The following NIM1K variants were observed in gnomAD, a reference collection of about 807,000 sequenced individuals.
NIM1K encodes serine/threonine-protein kinase NIM1.
Under a neutral mutation model 37.1 loss-of-function variants are expected in NIM1K, and 35 were observed. That is an observed-to-expected ratio of 0.94 (90% CI 0.72 to 1.25). The LOEUF (loss-of-function observed/expected upper bound fraction) is 1.25. Ranked by LOEUF, NIM1K falls within the 50% of genes most tolerant of loss-of-function variation. NIM1K has a pLI of 0.00. For missense variants in NIM1K, 564 were observed against 548.0 expected (o/e 1.03, Z -0.29); for synonymous variants, 234 against 206.6 (o/e 1.13, Z -1.14).
intron 1 of NIM1K, among the ~76,000 whole-genome samples, chr5:43,230,435 C>T (rs1319179228): frequency 1.3e-5 from 2 of 152,058 alleles, no homozygotes; most frequent in East Asian, 1.9e-4. Context: ...CACTTGTGCT[C>T]ACAGCCCATG....
intron 1 of NIM1K, among the ~76,000 whole-genome samples, chr5:43,238,399 A>T (rs1030158590): frequency 1.3e-5 from 2 of 149,198 alleles, no homozygotes; most frequent in African/African-American, 2.5e-5. Context: ...TTGTCTTTGA[A>T]TTTTTTTTTT....
intron 1 of NIM1K, among the ~76,000 whole-genome samples, chr5:43,205,046 G>T (rs1752088915): frequency 6.6e-6 from 1 of 152,128 alleles, no homozygotes; most frequent in African/African-American, 2.4e-5. Flanking sequence ...GCATGTCAAA[G>T]AATCTTCCTT....
chr5:43,256,115 T>C (rs979758428), intron 2 of NIM1K, among the ~76,000 whole-genome samples: 1 of 152,088 alleles, frequency 6.6e-6, no homozygotes, highest in African/African-American at 2.4e-5. Flanking sequence ...AGGGATTTCC[T>C]GGGATTTCAC....
intron 2 of NIM1K, among the ~76,000 whole-genome samples, chr5:43,250,144 G>A (rs576831495): frequency 3.3e-3 from 509 of 152,192 alleles, no homozygotes; most frequent in Non-Finnish European, 4.6e-3. Flanking sequence ...GAGCCACCGC[G>A]CCTGGCCGGA....
At chr5:43,234,420 T>A (rs1418663984) in intron 1 of NIM1K, among the ~76,000 whole-genome samples, 1 of 152,174 alleles carries the variant, frequency 6.6e-6, no homozygotes, top group African/African-American at 2.4e-5. Flanking sequence ...AAATGGTGTA[T>A]AGAACATTAC....
chr5:43,198,201 T>TCTCTC (rs1751955692), intron 1 of NIM1K, among the ~76,000 whole-genome samples: 3 of 54,814 alleles, frequency 5.5e-5, no homozygotes, highest in African/African-American at 2.2e-4. Context: ...CTTTCTTTCT[T>TCTCTC]TCTTTCTCTT....
chr5:43,271,376 G>GA (rs150308344), intron 2 of NIM1K, among the ~76,000 whole-genome samples: 2 of 151,026 alleles, frequency 1.3e-5, no homozygotes, highest in African/African-American at 2.4e-5. Flanking sequence ...CTGGGATGAG[G>GA]AAAAAAAATA....
At chr5:43,198,251 TTTC>T (rs1332288477) in intron 1 of NIM1K, among the ~76,000 whole-genome samples, 9 of 145,554 alleles carry the variant, frequency 6.2e-5, no homozygotes, top group Non-Finnish European at 1.2e-4. Flanking sequence ...CTTTCTTTTC[TTTC>T]TTTCCTTTCT....
chr5:43,232,983 C>G, intron 1 of NIM1K: 1 of 1,150,358 alleles, frequency 8.7e-7, no homozygotes, highest in South Asian at 1.2e-5. Flanking sequence ...GAAACACTGC[C>G]CTGGGCACAT....
intron 1 of NIM1K, among the ~76,000 whole-genome samples, chr5:43,227,907 C>T (rs771530588): frequency 9.2e-5 from 14 of 152,096 alleles, no homozygotes; most frequent in Non-Finnish European, 2.1e-4. Flanking sequence ...TAGGTTCCAA[C>T]ATTCTCACTT....
intron 1 of NIM1K, among the ~76,000 whole-genome samples, chr5:43,233,611 C>T (rs576084169): frequency 3.9e-4 from 60 of 152,284 alleles, no homozygotes; most frequent in African/African-American, 1.3e-3. Context: ...AAATAGAAAA[C>T]GAGGTTTTTC....
intron 1 of NIM1K, among the ~76,000 whole-genome samples, chr5:43,205,782 G>T (rs1752101145): frequency 6.6e-6 from 1 of 152,126 alleles, no homozygotes; most frequent in Admixed American, 6.5e-5. Context: ...TTGCGATCTT[G>T]GCTCACTGCA....
Position 43,232,475 on chromosome 5 carries a change from TG to T in NIM1K, c.-694-12606del, listed in dbSNP as rs1006078046. On this transcript the variant is annotated intron_variant, in intron 1 of 3. Coordinates refer to ENST00000326035, the MANE Select transcript of NIM1K (RefSeq NM_153361.4). The stretch of plus-strand genomic sequence containing the variant: ...GGAAGCAGTGATGGAGGACACAATT[TG>T]ACCTATCAACCTATTCAGTTTAGTA... 7 of 1,504,040 alleles carry T rather than the reference TG, an allele frequency of 4.7e-6. No homozygotes were observed. The African/African-American group carries it at 6.9e-5, about 15-fold the overall frequency. The allele number at this position is 1,504,040 out of a possible 1,614,324, so 93.2% of individuals were successfully genotyped here.
chr5:43,280,398 G>A lies in NIM1K; in HGVS notation c.980G>A (p.Gly327Glu), dbSNP rs747369978. 1.9e-5 allele frequency: 31 copies of A among 1,613,972 alleles called. No individual in the cohort carries two copies. The highest frequency in any genetic ancestry group is 2.5e-5 in the Non-Finnish European group (30 of 1,179,988). ...DCIMNDEWMQ[G>E]VPYPTPLEPF... Reference sequence around the variant, plus strand: ...ATCATGAATGATGAATGGATGCAAGGGGTGCCATACCCTACACCTTTGGAA... The same window carrying A: ...ATCATGAATGATGAATGGATGCAAGAGGTGCCATACCCTACACCTTTGGAA... The change falls in exon 4 of 4, where the codon GGG (glycine) becomes GAG (glutamate). Residue 327 changes from glycine (G) to glutamate (E), a missense_variant. Coordinates refer to ENST00000326035, the MANE Select transcript of NIM1K (RefSeq NM_153361.4).
At chr5:43,244,713 T>C (rs1752750894) in intron 1 of NIM1K, among the ~76,000 whole-genome samples, 1 of 152,214 alleles carries the variant, frequency 6.6e-6, no homozygotes, top group Admixed American at 6.5e-5. Context: ...TTTGAATAAA[T>C]ATGAGAAATT....
At chr5:43,258,097 T>G (rs1211609455) in intron 2 of NIM1K, among the ~76,000 whole-genome samples, 3 of 152,184 alleles carry the variant, frequency 2.0e-5, no homozygotes, top group Non-Finnish European at 4.4e-5. Flanking sequence ...CTCGTCATCC[T>G]CCATTCTATT....
intron 2 of NIM1K, among the ~76,000 whole-genome samples, chr5:43,260,488 G>T (rs1753010618): frequency 1.3e-5 from 2 of 152,024 alleles, no homozygotes; most frequent in South Asian, 4.1e-4. Context: ...AGCAATGCTG[G>T]ATTTTACTTA....
intron 1 of NIM1K, among the ~76,000 whole-genome samples, chr5:43,206,499 C>CAAAAAAAA (rs11286972): frequency 1.2e-5 from 1 of 83,444 alleles, no homozygotes; most frequent in Non-Finnish European, 2.2e-5. Flanking sequence ...GACCCTGCCT[C>CAAAAAAAA]AAAAAAAAAA....
chr5:43,229,640 CTTT>C (rs34054246), intron 1 of NIM1K, among the ~76,000 whole-genome samples: 17 of 109,154 alleles, frequency 1.6e-4, no homozygotes, highest in Non-Finnish European at 2.0e-4. Flanking sequence ...AAATTTTAGC[CTTT>C]TTTTTTTTTT....
Sources: allele counts gnomAD v4.1 joint callset (sites outside exome capture counted in the v4.1 genomes callset), GRCh38; gene constraint gnomAD v4.1.1; transcripts MANE v1.5; gene names NCBI Gene and HGNC (gene_info 2026-07-23, HGNC 2026-07-21).